BNIP1: variants seen among roughly 807,000 people sequenced by gnomAD.
The protein encoded by BNIP1 is vesicle transport protein SEC20.
Under a neutral mutation model 28.5 loss-of-function variants are expected in BNIP1, and 25 were observed. The observed-to-expected ratio is 0.88, with a 90% CI of 0.64 to 1.23. The LOEUF is 1.23. Ranked by LOEUF, BNIP1 falls within the 50% of genes most tolerant of loss-of-function variation. The pLI is 0.00. For missense variants in BNIP1, 276 were observed against 277.0 expected, an observed-to-expected ratio of 1.00 and a Z score of 0.02; for synonymous variants, 118 against 101.7, an observed-to-expected ratio of 1.16 and a Z score of -0.96.
chr5:173,163,770 C>T lies in BNIP1; in HGVS notation c.536C>T (p.Ser179Phe), dbSNP rs775764491. The change falls in exon 6 of 6, where the codon TCC becomes TTC. Residue 179 changes from serine (S) to phenylalanine (F), a missense_variant. By Grantham distance (155) the Ser-to-Phe change is radical. Transcript: ENST00000351486. ...CTGGATGCAAATGAAGAATTTAAGT[C>T]CATGTCGGGCACCATCCAGCTGGGC... is the stretch of plus-strand genomic sequence containing the variant. ...TILDANEEFK[S>F]MSGTIQLGRK... 3 of 1,611,986 alleles carry T rather than the reference C, an allele frequency of 1.9e-6. No homozygotes were observed. Among genetic ancestry groups the T allele is most frequent in the South Asian group, 2.2e-5 (2 of 90,656 alleles).
chr5:173,151,476 C>T, intron 2 of BNIP1: 1 of 1,347,830 alleles, frequency 7.4e-7, no homozygotes, highest in Non-Finnish European at 1.0e-6. Flanking sequence ...CTGCCTCAGC[C>T]TTCCAAAGTG....
At chr5:173,157,886 G>T (rs1451043019) in intron 3 of BNIP1, among the ~76,000 whole-genome samples, 1 of 151,380 alleles carries the variant, frequency 6.6e-6, no homozygotes, top group Non-Finnish European at 1.5e-5. Flanking sequence ...AAACCTTGAA[G>T]AAATATTTTG....
intron 2 of BNIP1, among the ~76,000 whole-genome samples, chr5:173,149,665 T>A (rs1015761486): frequency 1.3e-5 from 2 of 152,094 alleles, no homozygotes; most frequent in African/African-American, 2.4e-5. Flanking sequence ...TTTAATTGGC[T>A]TAAGGTTCTG....
At chr5:173,160,837 A>C (rs1486497350) in intron 5 of BNIP1, 1 of 456,208 alleles carries the variant, frequency 2.2e-6, no homozygotes, top group South Asian at 1.5e-5. Flanking sequence ...CTTTTAAAAG[A>C]TGTGAATCAG....
rs772725930 is a variant in BNIP1, at chr5:173,154,428, C to T, written c.269+15C>T. The T allele has an allele frequency of 6.2e-7, 1 of 1,600,350 alleles. No homozygotes were observed. The highest frequency in any genetic ancestry group is 1.1e-5 in the South Asian group (1 of 89,720). Reference sequence around the variant, plus strand: ...CAGATGCTCAGGTAGGCAGGGCCTGCCCCCGCCAGCGGCTTCTGCTGGCTC... The same window carrying T: ...CAGATGCTCAGGTAGGCAGGGCCTGTCCCCGCCAGCGGCTTCTGCTGGCTC... On this transcript the variant is annotated intron_variant, in intron 3 of 5. Transcript: ENST00000351486.
intron 2 of BNIP1, among the ~76,000 whole-genome samples, chr5:173,150,300 G>A (rs551684898): frequency 1.3e-5 from 2 of 151,758 alleles, no homozygotes; most frequent in South Asian, 4.2e-4. Flanking sequence ...ATATAACATG[G>A]CCCCCAAAGC....
chr5:173,161,109 C>G (rs1760350450), intron 5 of BNIP1: 2 of 256,160 alleles, frequency 7.8e-6, no homozygotes, highest in South Asian at 4.6e-5. Context: ...AGCCCATCCC[C>G]CATCTGGATT....
rs527800900 is a variant in BNIP1, at chr5:173,157,962, T to C, written c.270-782T>C. On this transcript the variant is annotated intron_variant, in intron 3 of 5. Coordinates refer to ENST00000351486, the MANE Select transcript of BNIP1 (RefSeq NM_001205.3). ...TTTTTCTTGAGAGAAGGTCTTACTC[T>C]GTCACCCAGGCTGGAGTATAGTGGT... Among the ~76,000 whole-genome samples, 108 of 150,556 alleles carry C rather than the reference T, an allele frequency of 7.2e-4. 1 individual carries two copies. The Middle Eastern group carries it at 0.038, about 53-fold the overall frequency.
intron 1 of BNIP1, chr5:173,145,132 C>T (rs1759796164): frequency 6.4e-6 from 1 of 155,140 alleles, no homozygotes; most frequent in Non-Finnish European, 1.4e-5. Context: ...TGATTTTATG[C>T]TTGAGGAAAT....
chr5:173,163,151 C>T lies in BNIP1; in HGVS notation c.491-574C>T, dbSNP rs573805145. Among the ~76,000 whole-genome samples, 5 of 152,314 alleles carry T rather than the reference C, an allele frequency of 3.3e-5. No homozygotes were observed. In the East Asian group the frequency reaches 7.7e-4, roughly 23 times the overall value. ...CTGGGGACAGTGATTCCTTAAGGGACGTGGGCCTCTTCTTAGGTGTCACCT... is the reference window on the plus strand; with the variant it reads ...CTGGGGACAGTGATTCCTTAAGGGATGTGGGCCTCTTCTTAGGTGTCACCT... On this transcript the variant is annotated intron_variant, in intron 5 of 5. Coordinates refer to ENST00000351486, the MANE Select transcript of BNIP1 (RefSeq NM_001205.3).
intron 4 of BNIP1, 69 bp downstream of exon 4, chr5:173,158,914 C>T (rs2113857640): frequency 2.5e-6 from 3 of 1,201,502 alleles, no homozygotes; most frequent in Non-Finnish European, 3.4e-6. Context: ...TAGGAAACCC[C>T]CTCTTGTTTT....
intron 3 of BNIP1, among the ~76,000 whole-genome samples, chr5:173,155,867 C>T (rs1334475477): frequency 2.0e-5 from 3 of 152,058 alleles, no homozygotes; most frequent in Admixed American, 2.0e-4. Flanking sequence ...CAGCACACTC[C>T]ACCGTGCCTG....
chr5:173,146,872 C>T lies in BNIP1; in HGVS notation c.91C>T (p.Arg31Cys), dbSNP rs1483634414. 2 of 1,612,530 alleles carry T rather than the reference C, an allele frequency of 1.2e-6. No homozygotes were observed. The highest frequency in any genetic ancestry group is 1.3e-5 in the African/African-American group (1 of 74,980). The change falls in exon 2 of 6, where the codon CGT becomes TGT. Residue 31 changes from arginine (R) to cysteine (C), a missense_variant. Arg to Cys is a radical substitution (Grantham distance 180, BLOSUM62 -3). Transcript: ENST00000351486. ...TCTGTTCAATGTCTCCTAGGATATC[C>T]GTGATTGTTCAGGACCCTTAAGTGC... ...LEVKALIQDI[R>C]DCSGPLSALT...
chr5:173,146,976 A>G lies in BNIP1; in HGVS notation c.177+18A>G, dbSNP rs1333696135. 1 of 1,589,500 alleles carries G rather than the reference A, an allele frequency of 6.3e-7. No homozygotes were observed. Among genetic ancestry groups the G allele is most frequent in the South Asian group, 1.1e-5 (1 of 90,522 alleles). ...GAATACAGGTGGGTATTCTCAATTC[A>G]GTCAATGAAGGGGGCTCTGTCCTGG... On this transcript the variant is annotated intron_variant, in intron 2 of 5. Coordinates refer to ENST00000351486, the MANE Select transcript of BNIP1 (RefSeq NM_001205.3).
intron 2 of BNIP1, among the ~76,000 whole-genome samples, chr5:173,150,501 C>T (rs760963560): frequency 2.0e-5 from 3 of 152,152 alleles, no homozygotes; most frequent in East Asian, 3.9e-4. Context: ...TTTTCAGCAG[C>T]GTCACCATAC....
At chr5:173,155,544 A>G (rs1299028128) in intron 3 of BNIP1, among the ~76,000 whole-genome samples, 2 of 151,996 alleles carry the variant, frequency 1.3e-5, no homozygotes, top group Non-Finnish European at 2.9e-5. Flanking sequence ...CTAAAAATAC[A>G]AAAATTAGCC....
intron 1 of BNIP1, among the ~76,000 whole-genome samples, chr5:173,145,347 C>T (rs1180864154): frequency 6.6e-6 from 1 of 151,922 alleles, no homozygotes; most frequent in Middle Eastern, 3.4e-3. Flanking sequence ...GGAGTGTAGA[C>T]ACGGTTCCAT....
chr5:173,163,834 G>C lies in BNIP1; in HGVS notation c.600G>C (p.Thr200=), dbSNP rs774025922. The C allele has an allele frequency of 6.2e-7, 1 of 1,613,972 alleles. No individual in the cohort carries two copies. The change falls in exon 6 of 6, where the codon ACG becomes ACC. Residue 200 remains threonine (T), a synonymous_variant. Coordinates refer to ENST00000351486, the MANE Select transcript of BNIP1 (RefSeq NM_001205.3). The stretch of plus-strand genomic sequence containing the variant: ...CAAAATACAATCGCCGGGAGCTGAC[G>C]GACAAGCTTCTCATCTTCCTTGCGC... ...LITKYNRREL[T]DKLLIFLALA...
intron 5 of BNIP1, 142 bp downstream of exon 5, chr5:173,160,193 T>A: frequency 2.8e-6 from 2 of 708,806 alleles, no homozygotes; most frequent in Non-Finnish European, 4.9e-6. Context: ...TGAGATGACT[T>A]GACACCATGG....
Sources: allele counts gnomAD v4.1 joint callset (sites outside exome capture counted in the v4.1 genomes callset), GRCh38; gene constraint gnomAD v4.1.1; transcripts MANE v1.5; gene names NCBI Gene and HGNC (gene_info 2026-07-23, HGNC 2026-07-21).